The following CACNA2D4 variants were observed in gnomAD, a reference collection of about 807,000 sequenced individuals.
CACNA2D4 encodes the protein voltage-dependent calcium channel subunit alpha-2/delta-4.
CACNA2D4 carries 157 observed loss-of-function variants against 163.8 expected under a neutral mutation model. The observed-to-expected ratio is 0.96, with a 90% confidence interval of 0.84 to 1.09. The LOEUF (loss-of-function observed/expected upper bound fraction) is 1.09, where lower values mean the gene tolerates loss of function less well. CACNA2D4 is among the 50% of genes least tolerant of loss of function. The probability of loss-of-function intolerance (pLI) is 0.00; values close to 1 mark genes in which losing one functional copy is unlikely to be tolerated. For synonymous variants in CACNA2D4, 598 were observed against 586.9 expected (o/e 1.02, Z -0.27); for missense variants, 1,410 against 1,479.9 (o/e 0.95, Z 0.78).
In CACNA2D4 at chr12:1,883,423, C is replaced by T. The variant is rs80087215; in HGVS notation, c.1352-423G>A. ...TCAGAGGCAGAGATTTCTGCCTCTC[C>T]GCTCCTCCTTCCTCTGGTCCTTGTT... On this transcript the variant is annotated intron_variant, in intron 12 of 37. Transcript: ENST00000382722. This position sits in a 1 kb window ranked among gnomAD's most constrained non-coding sequence, Gnocchi z 4.5. 7.3e-3 allele frequency among the ~76,000 whole-genome samples: 1,108 copies of T among 152,302 alleles called. 13 individuals carry two copies. The highest frequency in any genetic ancestry group is 0.025 in the African/African-American group (1,042 of 41,558).
chr12:1,797,661 T>C (rs1262760596), intron 34 of CACNA2D4, 126 bp from the exon 35 acceptor site: 5 of 729,618 alleles, frequency 6.9e-6, no homozygotes, highest in Non-Finnish European at 1.2e-5. Flanking sequence ...CAGGCAGTTC[T>C]CAGGACACGC....
Position 1,883,978 on chromosome 12 carries a change from C to A in CACNA2D4, c.1351+265G>T. On this transcript the variant is annotated intron_variant, in intron 12 of 37. Coordinates refer to ENST00000382722, the MANE Select transcript of CACNA2D4 (RefSeq NM_172364.5). This position sits in a 1 kb window ranked among gnomAD's most constrained non-coding sequence, Gnocchi z 4.5. ...CATTATTCCAGAGAAAACAGTGACC[C>A]TCTGCTTTTTGTCTGGGAGCAGAAC... is the stretch of plus-strand genomic sequence containing the variant. The A allele has an allele frequency of 2.1e-6, 1 of 486,522 alleles. No homozygotes were observed. The highest frequency in any genetic ancestry group is 3.7e-6 in the Non-Finnish European group (1 of 272,302). 30.1% of individuals were successfully genotyped at this position (486,522 alleles called of 1,614,324 possible).
chr12:1,879,939 G>A (rs901270225), intron 13 of CACNA2D4, 58 bp from the exon 14 acceptor site: 49 of 1,170,632 alleles, frequency 4.2e-5, no homozygotes, highest in African/African-American at 3.2e-4. Flanking sequence ...CTGGTTTGCC[G>A]CACTCGGAGC....
At chr12:1,835,500 C>T (rs865943221) in intron 26 of CACNA2D4, 1 of 152,570 alleles carries the variant, frequency 6.6e-6, no homozygotes, top group African/African-American at 2.4e-5. Context: ...GAGACATGCT[C>T]TTCCCCAGGG....
chr12:1,884,162 G>A (rs1307032639), intron 12 of CACNA2D4, 81 bp downstream of exon 12: 1 of 1,278,940 alleles, frequency 7.8e-7, no homozygotes, highest in Non-Finnish European at 1.1e-6. Context: ...GGAAGCCCGT[G>A]CTCAGCACTT....
At chr12:1,893,284 G>A (rs1207979027) in intron 6 of CACNA2D4, among the ~76,000 whole-genome samples, 1 of 152,142 alleles carries the variant, frequency 6.6e-6, no homozygotes, top group African/African-American at 2.4e-5. Context: ...TTGTGGGGCT[G>A]AGGCGGGTGG....
chr12:1,809,316 C>T lies in CACNA2D4; in HGVS notation c.2721+962G>A, dbSNP rs909553024. ...CTCCACATCCCAGGAACTTAGAGCC[C>T]TCAGCTGGGGCTGGCTTAGACACTG... is the stretch of plus-strand genomic sequence containing the variant. On this transcript the variant is annotated intron_variant, in intron 29 of 37. Transcript: ENST00000382722. 27 of 566,510 alleles carry T rather than the reference C, an allele frequency of 4.8e-5. No homozygotes were observed. The East Asian group carries it at 6.5e-4, about 14-fold the overall frequency. The allele number at this position is 566,510 out of a possible 1,614,324, so 35.1% of individuals were successfully genotyped here. A position where few individuals can be genotyped will look rare whatever the true frequency, so the allele number is the denominator to read the frequency against.
intron 22 of CACNA2D4, 44 bp downstream of exon 22, chr12:1,855,968 G>A: frequency 1.3e-6 from 2 of 1,488,940 alleles, no homozygotes; most frequent in East Asian, 2.3e-5. Flanking sequence ...TGAACTTCAG[G>A]GCCCCAGAGG....
At chr12:1,831,062 C>T (rs1026162791) in intron 26 of CACNA2D4, 97 of 1,613,960 alleles carry the variant, frequency 6.0e-5, no homozygotes, top group Middle Eastern at 1.6e-4. Flanking sequence ...TGCCCCCAGA[C>T]GTGCCCGCAG....
chr12:1,823,563 C>T (rs1268524512), intron 26 of CACNA2D4, among the ~76,000 whole-genome samples: 1 of 152,046 alleles, frequency 6.6e-6, no homozygotes, highest in Non-Finnish European at 1.5e-5. Context: ...CCCCCATGGC[C>T]TCCCCAGCCT....
rs527760630 is a variant in CACNA2D4, at chr12:1,877,209, C to T, written c.1719+1106G>A. Among the ~76,000 whole-genome samples, 3 of 152,300 alleles carry T rather than the reference C, an allele frequency of 2.0e-5. No individual in the cohort carries two copies. The South Asian group carries it at 6.2e-4, about 32-fold the overall frequency. ...CACGAGGAGGCCCACAGTGTGAATC[C>T]ACTGGTTGAAGCCTTATATTCGTCT... On this transcript the variant is annotated intron_variant, in intron 16 of 37. Coordinates refer to ENST00000382722, the MANE Select transcript of CACNA2D4 (RefSeq NM_172364.5).
intron 26 of CACNA2D4, among the ~76,000 whole-genome samples, chr12:1,814,209 T>A (rs1239989523): frequency 1.3e-5 from 2 of 152,132 alleles, no homozygotes; most frequent in Non-Finnish European, 2.9e-5. Context: ...ATCATGAGAT[T>A]TCTGAGCTGG....
At chr12:1,911,294 C>T (rs1160342010) in intron 3 of CACNA2D4, among the ~76,000 whole-genome samples, 1 of 152,078 alleles carries the variant, frequency 6.6e-6, no homozygotes, top group Admixed American at 6.5e-5. Context: ...GTGCCTTCCA[C>T]GTGAGCCACC....
intron 6 of CACNA2D4, among the ~76,000 whole-genome samples, chr12:1,892,079 C>T (rs1190034345): frequency 8.6e-6 from 1 of 116,696 alleles, no homozygotes; most frequent in Admixed American, 8.9e-5. Flanking sequence ...CTCATAGATC[C>T]CCAAACAGAT....
rs1866135687 is a variant in CACNA2D4 at position 1,886,067 on chromosome 12, T to TG, written c.994-29dup. The TG allele has an allele frequency of 2.5e-6, 4 of 1,589,026 alleles. No homozygotes were observed. The South Asian group carries it at 4.4e-5, about 18-fold the overall frequency. ...GCAGTTGCAGTGAGTTGAGGGGAGG[T>TG]GGGGGGAGAATAAACAGCATCAGGT... On this transcript the variant is annotated intron_variant, in intron 8 of 37. Transcript: ENST00000382722.
In CACNA2D4 at chr12:1,918,304, A is replaced by G. The variant is rs1446610461; in HGVS notation, c.170T>C (p.Leu57Pro). The change falls in exon 1 of 38, where the codon CTG (leucine) becomes CCG (proline). Residue 57 changes from leucine to proline, a missense_variant. By Grantham distance (98) the Leu-to-Pro change is moderately conservative. Transcript: ENST00000382722. ...AGGGGACAGGGAGGTGCCTAGAAGC[A>G]GCAGCCACAGGAGGGCCGAGGTCTT... ...VQKTSALLWL[L>P]LLGTSLSPAW... is the part of the protein sequence containing the mutation. 2 of 1,610,478 alleles carry G rather than the reference A, an allele frequency of 1.2e-6. No homozygotes were observed. Among genetic ancestry groups the G allele is most frequent in the Non-Finnish European group, 1.7e-6 (2 of 1,178,434 alleles).
rs140114656 is a variant in CACNA2D4, at chr12:1,795,424, C to G, written c.3227-43G>C. The G allele has an allele frequency of 5.6e-4, 872 of 1,563,010 alleles. 10 individuals are homozygous for G. In the East Asian group the frequency reaches 0.016, roughly 29 times the overall value. On this transcript the variant is annotated intron_variant, in intron 36 of 37. Coordinates refer to ENST00000382722, the MANE Select transcript of CACNA2D4 (RefSeq NM_172364.5). ...AAGGTCAATATCTCAGGACCGGAGCCCATTCTGCAGACTGGAAAAAGGTCT... is the reference window on the plus strand; with the variant it reads ...AAGGTCAATATCTCAGGACCGGAGCGCATTCTGCAGACTGGAAAAAGGTCT...
intron 20 of CACNA2D4, among the ~76,000 whole-genome samples, chr12:1,857,908 T>A (rs1865435025): frequency 6.6e-6 from 1 of 152,120 alleles, no homozygotes; most frequent in African/African-American, 2.4e-5. Flanking sequence ...ATGAGTGGTG[T>A]CCTTATAAGA....
intron 6 of CACNA2D4, among the ~76,000 whole-genome samples, chr12:1,898,994 T>G (rs1046973620): frequency 6.6e-6 from 1 of 152,110 alleles, no homozygotes; most frequent in African/African-American, 2.4e-5. Context: ...GTTTTGGAGA[T>G]GGATGGTGGT....
Sources: allele counts gnomAD v4.1 joint callset (sites outside exome capture counted in the v4.1 genomes callset), GRCh38; gene constraint gnomAD v4.1.1; non-coding constraint Gnocchi (gnomAD v3.1); transcripts MANE v1.5; gene names NCBI Gene and HGNC (gene_info 2026-07-23, HGNC 2026-07-21).